The following GCNT3 variants were observed in gnomAD, a reference collection of about 807,000 sequenced individuals.
GCNT3 encodes glucosaminyl (N-acetyl) transferase 3, mucin type, also known as beta-1,3-galactosyl-O-glycosyl-glycoprotein beta-1,6-N-acetylglucosaminyltransferase 3.
For missense variants in GCNT3, 708 were observed against 530.3 expected (o/e 1.34, Z -3.29); for synonymous variants, 269 against 195.2 (o/e 1.38, Z -3.15).
Position 59,619,762 on chromosome 15 carries a change from A to G in GCNT3, c.*207A>G. On this transcript the variant is annotated 3_prime_UTR_variant, in exon 3 of 3. Transcript: ENST00000396065. Reference sequence around the variant, plus strand: ...GAATGCTGCTTGTTCTCTCACCCCTAACCCTAGTAGTTCCTCCACTAACTT... The same window carrying G: ...GAATGCTGCTTGTTCTCTCACCCCTGACCCTAGTAGTTCCTCCACTAACTT... 3.8e-6 allele frequency: 2 copies of G among 523,840 alleles called. No individual in the cohort carries two copies. 32.4% of individuals were successfully genotyped at this position (523,840 alleles called of 1,614,324 possible). A position where few individuals can be genotyped will look rare whatever the true frequency, so the allele number is the denominator to read the frequency against.
At chr15:59,612,082 T>C (rs1193644166) in intron 1 of GCNT3, 101 bp downstream of exon 1, 2 of 152,226 alleles carry the variant, frequency 1.3e-5, no homozygotes, top group African/African-American at 4.8e-5. Context: ...CTGACGCTGG[T>C]GTTGGGACTG....
At chr15:59,612,614 G>T (rs1230913813) in intron 1 of GCNT3, among the ~76,000 whole-genome samples, 1 of 152,128 alleles carries the variant, frequency 6.6e-6, no homozygotes, top group Non-Finnish European at 1.5e-5. Context: ...ATGTGCCCGG[G>T]ATCCCAGGCA....
At chr15:59,617,720 C>A (rs1343855125) in intron 2 of GCNT3, among the ~76,000 whole-genome samples, 1 of 152,100 alleles carries the variant, frequency 6.6e-6, no homozygotes, top group Non-Finnish European at 1.5e-5. Context: ...TATAAATTGC[C>A]AAAATAGAAG....
Position 59,619,219 on chromosome 15 carries a change from C to A in GCNT3, c.981C>A (p.Ser327Arg). The A allele has an allele frequency of 6.2e-7, 1 of 1,614,024 alleles. No homozygotes were observed. Residue 327 changes from serine to arginine, a missense_variant, in exon 3 of 3, where the codon AGC becomes AGA. Physicochemically the swap from Ser to Arg is moderately radical, Grantham distance 110. Coordinates refer to ENST00000396065, the MANE Select transcript of GCNT3 (RefSeq NM_004751.3). ...QLIEWVKDTY[S>R]PDEHLWATLQ... ...TTGAATGGGTAAAAGACACTTATAG[C>A]CCAGATGAACACCTCTGGGCCACCC...
At position 59,618,541 on chromosome 15, in the gene GCNT3, C is replaced by T; in HGVS notation, c.303C>T (p.Thr101=). ...AGAAGCGAGAGCCTTTCACAGACAC[C>T]CACTACCTCTCCCTCACCAGAGACT... is the stretch of plus-strand genomic sequence containing the variant. ...VKKKREPFTD[T]HYLSLTRDCE... The change falls in exon 3 of 3, where the codon ACC becomes ACT. Residue 101 remains threonine, a synonymous_variant. Coordinates refer to ENST00000396065, the MANE Select transcript of GCNT3 (RefSeq NM_004751.3). 1 of 1,614,092 alleles carries T rather than the reference C, an allele frequency of 6.2e-7. No homozygotes were observed. The highest frequency in any genetic ancestry group is 2.2e-5 in the East Asian group (1 of 44,880).
chr15:59,614,832 A>G (rs1371889131), intron 1 of GCNT3, among the ~76,000 whole-genome samples: 1 of 152,314 alleles, frequency 6.6e-6, no homozygotes, highest in East Asian at 1.9e-4. Flanking sequence ...CTTATTCAAG[A>G]TGGAGTTGCT....
chr15:59,618,890 G>A lies in GCNT3; in HGVS notation c.652G>A (p.Val218Met). The A allele has an allele frequency of 6.2e-7, 1 of 1,614,202 alleles. No homozygotes were observed. The highest frequency in any genetic ancestry group is 8.5e-7 in the Non-Finnish European group (1 of 1,180,042). ...CATGGAAGACTTGCTCCAGAGCTCA[G>A]TGCCGTGGAAATACTTCCTGAATAC... ...NCMEDLLQSS[V>M]PWKYFLNTCG... is the part of the protein sequence containing the mutation. Residue 218 changes from valine to methionine, a missense_variant, in exon 3 of 3, where the codon GTG (valine) becomes ATG (methionine). Transcript: ENST00000396065.
chr15:59,614,542 C>A (rs889704292), intron 1 of GCNT3, among the ~76,000 whole-genome samples: 4 of 152,120 alleles, frequency 2.6e-5, no homozygotes, highest in Non-Finnish European at 5.9e-5. Context: ...CATGCCTCCC[C>A]CTTTTAGATC....
intron 1 of GCNT3, among the ~76,000 whole-genome samples, chr15:59,613,818 G>A (rs1305140837): frequency 6.6e-6 from 1 of 151,596 alleles, no homozygotes; most frequent in African/African-American, 2.4e-5. Context: ...GACCAGCCTG[G>A]GCAACACAGT....
chr15:59,621,659 A>G lies in GCNT3; in HGVS notation c.*2104A>G, dbSNP rs1364120839. Reference sequence around the variant, plus strand: ...CAGGTTGGAGTGCAACGAATGGCGCAATCTTGGCTCATTACAACCTCCGCC... The same window carrying G: ...CAGGTTGGAGTGCAACGAATGGCGCGATCTTGGCTCATTACAACCTCCGCC... On this transcript the variant is annotated 3_prime_UTR_variant, in exon 3 of 3. Coordinates refer to ENST00000396065, the MANE Select transcript of GCNT3 (RefSeq NM_004751.3). 3.2e-5 allele frequency: 4 copies of G among 124,990 alleles called. No homozygotes were observed. Among genetic ancestry groups the G allele is most frequent in the Admixed American group, 1.1e-4 (1 of 9,518 alleles). 7.7% of individuals were successfully genotyped at this position (124,990 alleles called of 1,614,324 possible).
intron 1 of GCNT3, among the ~76,000 whole-genome samples, chr15:59,614,243 C>A (rs1384823967): frequency 7.2e-5 from 11 of 152,144 alleles, no homozygotes; most frequent in African/African-American, 2.7e-4. Flanking sequence ...AATGGAAAGT[C>A]ACTGAGAATC....
rs1240699564 is a variant in GCNT3, at chr15:59,618,789, C to T, written c.551C>T (p.Pro184Leu). 6.2e-7 allele frequency: 1 copy of T among 1,614,148 alleles called. No homozygotes were observed. Among genetic ancestry groups the T allele is most frequent in the East Asian group, 2.2e-5 (1 of 44,884 alleles). The change falls in exon 3 of 3, where the codon CCA becomes CTA. Residue 184 changes from proline (P) to leucine (L), a missense_variant. Coordinates refer to ENST00000396065, the MANE Select transcript of GCNT3 (RefSeq NM_004751.3). ...GTCAAAGCAATTATTTCTTGCTTCC[C>T]AAATGTCTTCATAGCCAGTAAGCTG... Reference protein sequence around the residue: ...EAVKAIISCFPNVFIASKLVR... With the variant: ...EAVKAIISCFLNVFIASKLVR...
chr15:59,619,518 A>G lies in GCNT3; in HGVS notation c.1280A>G (p.Tyr427Cys). 1 of 1,609,146 alleles carries G rather than the reference A, an allele frequency of 6.2e-7. No homozygotes were observed. Among genetic ancestry groups the G allele is most frequent in the Non-Finnish European group, 8.5e-7 (1 of 1,176,298 alleles). The part of the protein sequence containing the change: ...DDNALQCLEE[Y>C]LRYKAIYGTE... ...AATGCTCTTCAGTGCTTAGAAGAAT[A>G]CCTACGTTATAAGGCCATCTATGGG... The change falls in exon 3 of 3, where the codon TAC becomes TGC. Residue 427 changes from tyrosine to cysteine, a missense_variant. Tyr to Cys is a radical substitution (Grantham distance 194). Transcript: ENST00000396065.
chr15:59,620,471 A>T lies in GCNT3; in HGVS notation c.*916A>T, dbSNP rs1190906694. 1 of 167,044 alleles carries T rather than the reference A, an allele frequency of 6.0e-6. No individual in the cohort carries two copies. The highest frequency in any genetic ancestry group is 1.5e-5 in the Non-Finnish European group (1 of 68,140). 10.3% of individuals were successfully genotyped at this position (167,044 alleles called of 1,614,324 possible). A position where few individuals can be genotyped will look rare whatever the true frequency, so the allele number is the denominator to read the frequency against. ...GGGAACTACTGCGCCTGGCCTACAA[A>T]TAGCAAATTCTAACGAAGACAGGGG... On this transcript the variant is annotated 3_prime_UTR_variant, in exon 3 of 3. Coordinates refer to ENST00000396065, the MANE Select transcript of GCNT3 (RefSeq NM_004751.3).
At chr15:59,612,677 G>A (rs995829098) in intron 1 of GCNT3, among the ~76,000 whole-genome samples, 1 of 152,132 alleles carries the variant, frequency 6.6e-6, no homozygotes, top group East Asian at 1.9e-4. Context: ...ATGTTCTTCA[G>A]GGCTAGCATG....
intron 2 of GCNT3, among the ~76,000 whole-genome samples, chr15:59,617,087 A>G (rs542033948): frequency 7.0e-6 from 1 of 142,256 alleles, no homozygotes; most frequent in African/African-American, 2.6e-5. Context: ...AGTACCCTTT[A>G]TTGTATTTAT....
Position 59,616,731 on chromosome 15 carries a change from A to G in GCNT3, c.-211A>G, listed in dbSNP as rs145338974. The G allele has an allele frequency of 6.4e-3, 969 of 152,332 alleles. 18 individuals are homozygous for G. The highest frequency in any genetic ancestry group is 0.041 in the Middle Eastern group (12 of 294). 9.4% of individuals were successfully genotyped at this position (152,332 alleles called of 1,614,324 possible). A position where few individuals can be genotyped will look rare whatever the true frequency, so the allele number is the denominator to read the frequency against. On this transcript the variant is annotated 5_prime_UTR_variant, in exon 2 of 3. It removes an upstream start codon present in the reference 5' UTR. Coordinates refer to ENST00000396065, the MANE Select transcript of GCNT3 (RefSeq NM_004751.3). ...CCTGAAACTGTTCCTTGGACATCTT[A>G]TGAATGTCAGAAAATACCTTTTGGA...
chr15:59,615,990 A>T (rs1286192967), intron 1 of GCNT3, among the ~76,000 whole-genome samples: 1 of 152,210 alleles, frequency 6.6e-6, no homozygotes, highest in Non-Finnish European at 1.5e-5. Flanking sequence ...CAATGTCAGC[A>T]GCTTTGAAGA....
chr15:59,615,088 G>C (rs1258138860), intron 1 of GCNT3: 8 of 152,170 alleles, frequency 5.3e-5, no homozygotes, highest in African/African-American at 1.9e-4. Context: ...TAATGCTGGA[G>C]GTTATTCATG....
Sources: gnomAD v4.1 joint callset for allele counts (sites outside exome capture counted in the v4.1 genomes callset) on GRCh38, gnomAD v4.1.1 for gene constraint, MANE v1.5 for transcripts, NCBI Gene and HGNC (gene_info 2026-07-23, HGNC 2026-07-21) for gene names.